The following ZNF99 variants were observed in gnomAD, a reference collection of about 807,000 sequenced individuals.
ZNF99 encodes zinc finger protein ENSP00000375192.
In ZNF99, 8 loss-of-function variants were observed where a neutral mutation model predicts 12.8. The ratio of observed to expected loss-of-function variants is 0.62; its 90% CI spans 0.37 to 1.13. ZNF99 has a LOEUF of 1.13. ZNF99 is among the 50% of genes most tolerant of loss of function. ZNF99 has a pLI of 0.02. For missense variants in ZNF99, 1,007 were observed against 1,006.2 expected, an observed-to-expected ratio of 1.00 and a Z score of -0.01; for synonymous variants, 318 against 319.0, an observed-to-expected ratio of 1.00 and a Z score of 0.03.
intron 1 of ZNF99, among the ~76,000 whole-genome samples, chr19:22,772,539 T>C: frequency 6.6e-6 from 1 of 151,928 alleles, no homozygotes; most frequent in East Asian, 1.9e-4. Context: ...TAGCCTGGCA[T>C]GGTGGGGCAT....
At chr19:22,781,403 CTTTTTTTTTTT>C (rs35970718) in intron 1 of ZNF99, among the ~76,000 whole-genome samples, 2 of 87,946 alleles carry the variant, frequency 2.3e-5, no homozygotes, top group Admixed American at 1.3e-4. Context: ...ATTGGGGTCA[CTTTTTTTTTTT>C]TTTTTTTTTT....
intron 3 of ZNF99, among the ~76,000 whole-genome samples, chr19:22,765,500 A>T (rs1260216874): frequency 7.2e-5 from 11 of 152,180 alleles, no homozygotes; most frequent in South Asian, 4.1e-4. Flanking sequence ...AATAAATAAA[A>T]AAAAATAAAG....
At chr19:22,775,679 T>C (rs1973317349) in intron 1 of ZNF99, among the ~76,000 whole-genome samples, 1 of 152,184 alleles carries the variant, frequency 6.6e-6, no homozygotes, top group Non-Finnish European at 1.5e-5. Context: ...GTCTAGTATC[T>C]AGAATCCATA....
chr19:22,762,673 G>A (rs1377151297), intron 3 of ZNF99, among the ~76,000 whole-genome samples: 1 of 100,694 alleles, frequency 9.9e-6, no homozygotes, highest in Non-Finnish European at 1.9e-5. Context: ...AACCAGAAAA[G>A]GCATTAATCA....
intron 1 of ZNF99, among the ~76,000 whole-genome samples, chr19:22,771,867 G>T (rs1351980394): frequency 6.9e-6 from 1 of 144,628 alleles, no homozygotes; most frequent in Non-Finnish European, 1.5e-5. Context: ...ACAGGCGTGT[G>T]CCACCACGCC....
intron 1 of ZNF99, among the ~76,000 whole-genome samples, chr19:22,781,767 C>T (rs1973390329): frequency 1.3e-5 from 2 of 152,094 alleles, no homozygotes; most frequent in Non-Finnish European, 2.9e-5. Flanking sequence ...TGACCAGGAG[C>T]TGATATTCAC....
chr19:22,775,618 C>G (rs1973316800), intron 1 of ZNF99, among the ~76,000 whole-genome samples: 1 of 152,226 alleles, frequency 6.6e-6, no homozygotes. Flanking sequence ...AGAGTAAACA[C>G]ACAACCTACA....
intron 1 of ZNF99, among the ~76,000 whole-genome samples, chr19:22,771,934 T>C: frequency 6.7e-6 from 1 of 149,734 alleles, no homozygotes; most frequent in Non-Finnish European, 1.5e-5. Flanking sequence ...GCCAGGCTGG[T>C]CTCGAACTCC....
At chr19:22,763,970 G>C (rs957312470) in intron 3 of ZNF99, among the ~76,000 whole-genome samples, 2 of 134,542 alleles carry the variant, frequency 1.5e-5, no homozygotes, top group South Asian at 4.8e-4. Flanking sequence ...GTGCAGTGGT[G>C]TGATCTTGGC....
At position 22,759,591 on chromosome 19, in the gene ZNF99, A is replaced by G. The variant is rs766877148; in HGVS notation, c.318T>C (p.Cys106=). ...QEIILRTYAR[C]GHKNLRLRKD... is the part of the protein sequence containing the mutation. ...TTCTTAATCGTAAATTCTTATGTCC[A>G]CATCTTGCATATGTTCTCAATATTA... Residue 106 remains cysteine (C), a synonymous_variant, in exon 4 of 4, where the codon TGT becomes TGC. Coordinates refer to ENST00000596209, the MANE Select transcript of ZNF99 (RefSeq NM_001080409.3). 8 of 1,611,258 alleles carry G rather than the reference A, an allele frequency of 5.0e-6. No individual in the cohort carries two copies. The South Asian group carries it at 8.9e-5, about 18-fold the overall frequency.
At chr19:22,775,752 C>A (rs555725481) in intron 1 of ZNF99, among the ~76,000 whole-genome samples, 1 of 152,174 alleles carries the variant, frequency 6.6e-6, no homozygotes, top group African/African-American at 2.4e-5. Flanking sequence ...CAGCCAGGCG[C>A]GGTGGCTCAT....
chr19:22,756,261 T>A lies in ZNF99; in HGVS notation c.*1053A>T, dbSNP rs754107635. The A allele has an allele frequency of 6.3e-7, 1 of 1,578,842 alleles. No individual in the cohort carries two copies. Among genetic ancestry groups the A allele is most frequent in the South Asian group, 1.1e-5 (1 of 90,668 alleles). The stretch of plus-strand genomic sequence containing the variant: ...TGTTTAGTAAGGGCTGAAAGATGGT[T>A]AAAAGCTTTGCCACATTCTTCACAT... On this transcript the variant is annotated 3_prime_UTR_variant, in exon 4 of 4. Coordinates refer to ENST00000596209, the MANE Select transcript of ZNF99 (RefSeq NM_001080409.3).
intron 1 of ZNF99, among the ~76,000 whole-genome samples, chr19:22,781,318 T>C (rs1477853332): frequency 1.3e-5 from 2 of 149,716 alleles, no homozygotes; most frequent in Non-Finnish European, 3.0e-5. Flanking sequence ...GCCCAATAAC[T>C]CCTTCTCAGG....
At chr19:22,773,095 T>C (rs1973290468) in intron 1 of ZNF99, among the ~76,000 whole-genome samples, 1 of 152,190 alleles carries the variant, frequency 6.6e-6, no homozygotes, top group African/African-American at 2.4e-5. Context: ...TAAAAGTTAC[T>C]GTGGAGGACT....
chr19:22,771,908 G>T (rs1599447468), intron 1 of ZNF99, among the ~76,000 whole-genome samples: 1 of 148,220 alleles, frequency 6.7e-6, no homozygotes, highest in Non-Finnish European at 1.5e-5. Flanking sequence ...AGTAGAGACA[G>T]GGTTTCACCA....
At chr19:22,767,970 T>C (rs1973223134) in intron 3 of ZNF99, among the ~76,000 whole-genome samples, 1 of 152,158 alleles carries the variant, frequency 6.6e-6, no homozygotes, top group Non-Finnish European at 1.5e-5. Flanking sequence ...AGCCAGGTTT[T>C]TTAAAAATAG....
rs565513507 is a variant in ZNF99 at position 22,758,729 on chromosome 19, G to C, written c.1180C>G (p.Gln394Glu). 2.5e-5 allele frequency: 40 copies of C among 1,609,090 alleles called. 1 individual carries two copies. Among genetic ancestry groups the C allele is most frequent in the African/African-American group, 2.5e-4 (18 of 73,080 alleles). The stretch of plus-strand genomic sequence containing the variant: ...CATTCTTCACATTTGTAGGGTTTCT[G>C]TCCAGTATGAATTATCTCATGTTTT... ...LRKHEIIHTG[Q>E]KPYKCEECGK... Residue 394 changes from glutamine (Q) to glutamate (E), a missense_variant, in exon 4 of 4, where the codon CAG (glutamine) becomes GAG (glutamate). Physicochemically the swap from Gln to Glu is conservative, Grantham distance 29. Coordinates refer to ENST00000596209, the MANE Select transcript of ZNF99 (RefSeq NM_001080409.3).
rs1391433604 is a variant in ZNF99 at position 22,759,251 on chromosome 19, T to C, written c.658A>G (p.Lys220Glu). 6.4e-7 allele frequency: 1 copy of C among 1,554,400 alleles called. No homozygotes were observed. Among genetic ancestry groups the C allele is most frequent in the South Asian group, 1.2e-5 (1 of 85,080 alleles). Residue 220 changes from lysine (K) to glutamate (E), a missense_variant, in exon 4 of 4, where the codon AAG (lysine) becomes GAG (glutamate). Transcript: ENST00000596209. ...GGTTTGTCTTCAGTATGAATTATCT[T>C]ATGTTTAATAAGGGTTGAGAACCAT... ...FKWFSTLIKH[K>E]IIHTEDKPYK...
At position 22,752,611 on chromosome 19, in the gene ZNF99, T is replaced by C. The variant is rs2145320840; in HGVS notation, c.*4703A>G. Reference sequence around the variant, plus strand: ...GAGATGTTATTCCACTCTTACCAAATAGTAAACTGTTGCCATCTCTTACCT... The same window carrying C: ...GAGATGTTATTCCACTCTTACCAAACAGTAAACTGTTGCCATCTCTTACCT... On this transcript the variant is annotated 3_prime_UTR_variant, in exon 4 of 4. Coordinates refer to ENST00000596209, the MANE Select transcript of ZNF99 (RefSeq NM_001080409.3). 1 of 152,216 alleles carries C rather than the reference T, an allele frequency of 6.6e-6. No homozygotes were observed. Among genetic ancestry groups the C allele is most frequent in the Admixed American group, 6.5e-5 (1 of 15,290 alleles). 9.4% of individuals were successfully genotyped at this position (152,216 alleles called of 1,614,324 possible).
Sources: gnomAD v4.1 joint callset for allele counts (sites outside exome capture counted in the v4.1 genomes callset) on GRCh38, gnomAD v4.1.1 for gene constraint, MANE v1.5 for transcripts, NCBI Gene and HGNC (gene_info 2026-07-23, HGNC 2026-07-21) for gene names.